The following SLC71A1 variants were observed in gnomAD, a reference collection of about 807,000 sequenced individuals.
The protein encoded by SLC71A1 is hippocampus abundant gene transcript 1.
the SLC71A1 span, chr1:100,068,360 G>T: frequency 1.1e-6 from 1 of 929,560 alleles, no homozygotes; most frequent in South Asian, 1.6e-5. Flanking sequence ...AAATAAAAAG[G>T]ACAACTAGTT....
the SLC71A1 span, chr1:100,068,678 G>C: frequency 1.2e-6 from 1 of 811,408 alleles, no homozygotes; most frequent in Non-Finnish European, 2.0e-6. Flanking sequence ...AATAGAAGTG[G>C]CCTTTAAAAA....
At chr1:100,040,369 A>G in the SLC71A1 span, among the ~76,000 whole-genome samples, 3 of 152,242 alleles carry the variant, frequency 2.0e-5, no homozygotes, top group Admixed American at 2.0e-4. Context: ...TTTAAAAAGT[A>G]TAACTATTGC....
the SLC71A1 span, chr1:100,068,045 TG>T: frequency 6.2e-7 from 1 of 1,614,218 alleles, no homozygotes; most frequent in Non-Finnish European, 8.5e-7. Context: ...GACGAGTATA[TG>T]GGGACAGCTT....
the SLC71A1 span, chr1:100,078,423 T>C: frequency 7.0e-7 from 1 of 1,434,060 alleles, no homozygotes; most frequent in Admixed American, 1.8e-5. Context: ...AAGAATTTAC[T>C]GTTTTTGTTT....
At chr1:100,045,264 A>G in the SLC71A1 span, among the ~76,000 whole-genome samples, 3 of 152,112 alleles carry the variant, frequency 2.0e-5, no homozygotes, top group African/African-American at 7.2e-5. Flanking sequence ...CAGCTATTGT[A>G]AAAGGGATTG....
the SLC71A1 span, among the ~76,000 whole-genome samples, chr1:100,071,657 T>C: frequency 3.9e-5 from 6 of 152,236 alleles, no homozygotes; most frequent in Admixed American, 3.3e-4. Context: ...AATACTGTAA[T>C]GACACATAAA....
the SLC71A1 span, among the ~76,000 whole-genome samples, chr1:100,047,602 A>G: frequency 2.0e-5 from 3 of 152,046 alleles, no homozygotes; most frequent in African/African-American, 7.2e-5. Flanking sequence ...TTGTATTTTT[A>G]GTGGAGACGG....
chr1:100,048,507 T>A, the SLC71A1 span, among the ~76,000 whole-genome samples: 243 of 152,286 alleles, frequency 1.6e-3, 2 homozygotes, highest in Non-Finnish European at 2.8e-3. Context: ...GACCTTATAT[T>A]ACTATGCTTG....
At chr1:100,083,224 A>T in the SLC71A1 span, 13,676 of 152,576 alleles carry the variant, frequency 0.09, 931 homozygotes, top group African/African-American at 0.18. Flanking sequence ...GTATATAAAG[A>T]ACTGTATAGT....
chr1:100,040,313 G>T, the SLC71A1 span, among the ~76,000 whole-genome samples: 1 of 126,464 alleles, frequency 7.9e-6, no homozygotes, highest in Non-Finnish European at 1.6e-5. Context: ...TAAATATCAG[G>T]GGAATATTTT....
chr1:100,040,668 G>A, the SLC71A1 span, among the ~76,000 whole-genome samples: 2 of 152,102 alleles, frequency 1.3e-5, no homozygotes, highest in Non-Finnish European at 2.9e-5. Context: ...CACCATATTG[G>A]TCAGGCTGGT....
At chr1:100,039,937 T>G in the SLC71A1 span, among the ~76,000 whole-genome samples, 1 of 152,250 alleles carries the variant, frequency 6.6e-6, no homozygotes, top group Non-Finnish European at 1.5e-5. Flanking sequence ...AAAAGATCGT[T>G]TTTAAACTTT....
chr1:100,065,895 C>T, the SLC71A1 span, among the ~76,000 whole-genome samples: 1 of 151,878 alleles, frequency 6.6e-6, no homozygotes, highest in East Asian at 1.9e-4. Flanking sequence ...AGACTGGACT[C>T]ACTCTTGGGA....
chr1:100,079,503 G>A, the SLC71A1 span: 1 of 152,174 alleles, frequency 6.6e-6, no homozygotes, highest in Non-Finnish European at 1.5e-5. Flanking sequence ...GTTGATAAAT[G>A]AGGAAGGAAA....
chr1:100,049,959 T>C, the SLC71A1 span: 1 of 1,611,156 alleles, frequency 6.2e-7, no homozygotes, highest in Non-Finnish European at 8.5e-7. Context: ...TCGTCATCTT[T>C]TTGGAGTTTT....
At chr1:100,081,383 G>C in the SLC71A1 span, among the ~76,000 whole-genome samples, 1 of 151,812 alleles carries the variant, frequency 6.6e-6, no homozygotes, top group Non-Finnish European at 1.5e-5. Flanking sequence ...TTTGTTTTTT[G>C]TTGTTTCTGA....
chr1:100,078,493 C>T, the SLC71A1 span: 3 of 1,613,734 alleles, frequency 1.9e-6, no homozygotes, highest in Non-Finnish European at 2.5e-6. Context: ...TGTCTAGCAT[C>T]ACCTTTCCTG....
chr1:100,068,367 A>C, the SLC71A1 span: 1 of 925,490 alleles, frequency 1.1e-6, no homozygotes, highest in Non-Finnish European at 1.7e-6. Context: ...AAGGACAACT[A>C]GTTGTCCATG....
At chr1:100,039,258 C>T in the SLC71A1 span, among the ~76,000 whole-genome samples, 2 of 152,196 alleles carry the variant, frequency 1.3e-5, no homozygotes, top group African/African-American at 4.8e-5. Flanking sequence ...ATATATGTTT[C>T]ACTTACCTGA....
Sources: gnomAD v4.1 joint callset for allele counts (sites outside exome capture counted in the v4.1 genomes callset) on GRCh38, gnomAD v4.1.1 for gene constraint, MANE v1.5 for transcripts, NCBI Gene and HGNC (gene_info 2026-07-23, HGNC 2026-07-21) for gene names.